Variants in COG7 observed in about 807,000 individuals in gnomAD.
COG7 encodes conserved oligomeric Golgi complex subunit 7.
A neutral mutation model predicts 91.5 loss-of-function variants in COG7; 49 were observed. The ratio of observed to expected loss-of-function variants is 0.54; its 90% CI spans 0.43 to 0.68. The LOEUF is 0.68. Among genes scored for constraint, COG7 ranks in the 30% least tolerant of loss-of-function variants. The pLI, the probability that COG7 is intolerant of heterozygous loss-of-function variation, is 0.00. For synonymous variants in COG7, 365 were observed against 388.7 expected, an observed-to-expected ratio of 0.94 and a Z score of 0.72; for missense variants, 895 against 961.3, an observed-to-expected ratio of 0.93 and a Z score of 0.91.
chr16:23,404,855 G>A (rs1300378357), intron 12 of COG7, among the ~76,000 whole-genome samples: 1 of 152,218 alleles, frequency 6.6e-6, no homozygotes, highest in East Asian at 1.9e-4. Context: ...GGGAGGCAGA[G>A]GTTGCAGTGA....
intron 12 of COG7, among the ~76,000 whole-genome samples, chr16:23,405,748 C>T (rs1013609246): frequency 8.6e-5 from 13 of 151,942 alleles, no homozygotes; most frequent in African/African-American, 2.9e-4. Flanking sequence ...AACTCCTGAC[C>T]TCAGGGGATC....
intron 16 of COG7, among the ~76,000 whole-genome samples, chr16:23,390,693 G>A (rs559196479): frequency 2.4e-3 from 361 of 150,948 alleles, no homozygotes; most frequent in Admixed American, 3.6e-3. Context: ...CTCCTGCCTC[G>A]GCCTCCCAAA....
At chr16:23,441,228 T>C (rs1964096024) in intron 4 of COG7, among the ~76,000 whole-genome samples, 6 of 152,182 alleles carry the variant, frequency 3.9e-5, no homozygotes, top group Admixed American at 3.9e-4. Context: ...TTATAAGCCA[T>C]AATTTGGCAA....
intron 4 of COG7, among the ~76,000 whole-genome samples, chr16:23,438,982 A>AC (rs1199696418): frequency 7.2e-5 from 11 of 151,760 alleles, no homozygotes; most frequent in Non-Finnish European, 8.8e-5. Flanking sequence ...ACATGGTGAA[A>AC]CCCCATCTCT....
rs763708320 is a variant in COG7 at position 23,434,734 on chromosome 16, T to C, written c.605-16A>G. 1.3e-6 allele frequency: 2 copies of C among 1,569,806 alleles called. No homozygotes were observed. Among genetic ancestry groups the C allele is most frequent in the Admixed American group, 1.7e-5 (1 of 59,966 alleles). ...TTGGACTGATCTAAAGAACATACAATGTATATATACTGTTACCAGCCTTTC... is the reference window on the plus strand; with the variant it reads ...TTGGACTGATCTAAAGAACATACAACGTATATATACTGTTACCAGCCTTTC... On this transcript the variant is annotated splice_polypyrimidine_tract_variant and intron_variant, in intron 4 of 16. Transcript: ENST00000307149.
chr16:23,435,245 T>C (rs1963996229), intron 4 of COG7, among the ~76,000 whole-genome samples: 1 of 152,028 alleles, frequency 6.6e-6, no homozygotes, highest in Non-Finnish European at 1.5e-5. Flanking sequence ...TGCACACCTG[T>C]AATCCCAGCT....
chr16:23,449,406 T>TAAAATAAAAC (rs1378554906), intron 1 of COG7, among the ~76,000 whole-genome samples: 3 of 144,382 alleles, frequency 2.1e-5, no homozygotes, highest in African/African-American at 7.6e-5. Context: ...TAAAATAAAA[T>TAAAATAAAAC]AAAATAAAAT....
At chr16:23,437,847 G>T (rs1358362033) in intron 4 of COG7, among the ~76,000 whole-genome samples, 1 of 152,202 alleles carries the variant, frequency 6.6e-6, no homozygotes, top group Non-Finnish European at 1.5e-5. Context: ...AGCACCTGGG[G>T]AGGCTGAGGC....
At chr16:23,446,252 C>A (rs1964180569) in intron 1 of COG7, among the ~76,000 whole-genome samples, 1 of 152,076 alleles carries the variant, frequency 6.6e-6, no homozygotes, top group Admixed American at 6.6e-5. Context: ...CCAGTGAAAT[C>A]ATAACTCCAC....
In COG7 at chr16:23,392,451, G is replaced by A; in HGVS notation, c.2075C>T (p.Thr692Ile). Residue 692 changes from threonine (T) to isoleucine (I), a missense_variant, in exon 16 of 17, where the codon ACC (threonine) becomes ATC (isoleucine). Physicochemically the swap from Thr to Ile is moderately conservative, Grantham distance 89. Transcript: ENST00000307149. ...LGSIARATMQ[T>I]YCDAILQIPE... ...GATCTGTAGGATCGCATCACAGTAGGTCTGCATTGTGGCTCTGGCGATCGA... is the reference window on the plus strand; with the variant it reads ...GATCTGTAGGATCGCATCACAGTAGATCTGCATTGTGGCTCTGGCGATCGA... 6.2e-7 allele frequency: 1 copy of A among 1,614,218 alleles called. No homozygotes were observed.
chr16:23,401,685 A>T (rs1196050722), intron 13 of COG7, among the ~76,000 whole-genome samples: 1 of 152,166 alleles, frequency 6.6e-6, no homozygotes, highest in African/African-American at 2.4e-5. Flanking sequence ...GGCAACTCCA[A>T]TCTCTTCATA....
intron 1 of COG7, among the ~76,000 whole-genome samples, chr16:23,450,131 C>T (rs910314290): frequency 1.3e-5 from 2 of 152,024 alleles, no homozygotes; most frequent in East Asian, 1.9e-4. Flanking sequence ...GATGGGGTTT[C>T]ACCATGTTGA....
At chr16:23,427,745 T>TTTATTATA (rs1963871569) in intron 6 of COG7, among the ~76,000 whole-genome samples, 1 of 152,162 alleles carries the variant, frequency 6.6e-6, no homozygotes, top group African/African-American at 2.4e-5. Context: ...AGTTACCAGG[T>TTTATTATA]CCTAACAACT....
chr16:23,428,751 G>A (rs552989481), intron 6 of COG7, among the ~76,000 whole-genome samples: 97 of 150,882 alleles, frequency 6.4e-4, no homozygotes, highest in African/African-American at 2.2e-3. Flanking sequence ...GAGTGCAATG[G>A]TGCGATCTTG....
In COG7 at chr16:23,426,550, C is replaced by T. The variant is rs559433679; in HGVS notation, c.811-1603G>A. 3.9e-5 allele frequency among the ~76,000 whole-genome samples: 6 copies of T among 152,034 alleles called. 1 individual carries two copies. The highest frequency in any genetic ancestry group is 3.9e-4 in the Admixed American group (6 of 15,260). ...TTTTTTAAAATGAATCAATGTAATACACCACATTAACAGAATGAAGGGAAA... is the reference window on the plus strand; with the variant it reads ...TTTTTTAAAATGAATCAATGTAATATACCACATTAACAGAATGAAGGGAAA... On this transcript the variant is annotated intron_variant, in intron 6 of 16. Coordinates refer to ENST00000307149, the MANE Select transcript of COG7 (RefSeq NM_153603.4).
intron 6 of COG7, among the ~76,000 whole-genome samples, chr16:23,427,266 C>T (rs1276707404): frequency 6.7e-6 from 1 of 149,834 alleles, no homozygotes; most frequent in African/African-American, 2.5e-5. Context: ...AGCAAACAAA[C>T]AAACAAAAAA....
chr16:23,430,496 C>G (rs2142085254), intron 6 of COG7, among the ~76,000 whole-genome samples: 1 of 149,462 alleles, frequency 6.7e-6, no homozygotes, highest in African/African-American at 2.4e-5. Flanking sequence ...ACATTGAACT[C>G]TAGTTAATAA....
chr16:23,426,388 AC>A (rs980480036), intron 6 of COG7, among the ~76,000 whole-genome samples: 7 of 152,302 alleles, frequency 4.6e-5, no homozygotes, highest in Non-Finnish European at 1.0e-4. Flanking sequence ...GTTAAACTAA[AC>A]AAAAATGGAT....
At chr16:23,413,626 C>A (rs1418117017) in intron 9 of COG7, 62 bp from the exon 10 acceptor site, 1 of 910,408 alleles carries the variant, frequency 1.1e-6, no homozygotes, top group African/African-American at 1.6e-5. Context: ...TCTAAAGAGA[C>A]CTGGAATTCT....
Sources: allele counts gnomAD v4.1 joint callset (sites outside exome capture counted in the v4.1 genomes callset), GRCh38; gene constraint gnomAD v4.1.1; transcripts MANE v1.5; gene names NCBI Gene and HGNC (gene_info 2026-07-23, HGNC 2026-07-21).